The following THOC5 variants were observed in gnomAD, a reference collection of about 807,000 sequenced individuals.
THOC5 encodes the protein THO complex subunit 5.
In THOC5, 43 loss-of-function variants were observed where a neutral mutation model predicts 92.9. The ratio of observed to expected loss-of-function variants is 0.46; its 90% CI spans 0.36 to 0.60. THOC5 has a LOEUF of 0.60. THOC5 is among the 20% of genes least tolerant of loss of function. The pLI, the probability that THOC5 is intolerant of heterozygous loss-of-function variation, is 0.00. For missense variants in THOC5, 659 were observed against 849.4 expected, an observed-to-expected ratio of 0.78 and a Z score of 2.79; for synonymous variants, 296 against 320.1, an observed-to-expected ratio of 0.92 and a Z score of 0.80.
chr22:29,541,191 AAAAAG>A (rs774137710), intron 5 of THOC5, among the ~76,000 whole-genome samples: 244 of 152,104 alleles, frequency 1.6e-3, no homozygotes, highest in Non-Finnish European at 3.0e-3. Flanking sequence ...TCTTTAAAAA[AAAAAG>A]AAAAGAAAAG....
intron 5 of THOC5, among the ~76,000 whole-genome samples, chr22:29,540,724 C>T (rs2063863758): frequency 6.6e-6 from 1 of 152,152 alleles, no homozygotes. Flanking sequence ...AAAAATAATA[C>T]TTAGAATGTA....
chr22:29,534,529 T>C (rs1381752871), intron 7 of THOC5: 1 of 151,164 alleles, frequency 6.6e-6, no homozygotes, highest in East Asian at 2.0e-4. Context: ...TTTATTTGTG[T>C]GCTTTTCTTC....
At chr22:29,548,996 G>A (rs2064085661) in intron 2 of THOC5, 56 bp downstream of exon 2, 29 of 1,568,752 alleles carry the variant, frequency 1.8e-5, no homozygotes, top group Non-Finnish European at 2.5e-5. Flanking sequence ...ACACAGCCAG[G>A]TGCTTGGCCA....
intron 8 of THOC5, among the ~76,000 whole-genome samples, chr22:29,530,726 C>T (rs1164264021): frequency 6.6e-6 from 1 of 152,170 alleles, no homozygotes; most frequent in Admixed American, 6.5e-5. Flanking sequence ...CCAGGTATGA[C>T]ACCTCATTGA....
intron 17 of THOC5, among the ~76,000 whole-genome samples, chr22:29,515,073 G>C (rs904887346): frequency 1.3e-5 from 2 of 151,696 alleles, no homozygotes; most frequent in African/African-American, 4.8e-5. Context: ...AGAGAGTCTT[G>C]CTCTGTCGCC....
chr22:29,539,729 T>C (rs1210712103), intron 5 of THOC5, among the ~76,000 whole-genome samples: 2 of 152,174 alleles, frequency 1.3e-5, no homozygotes, highest in African/African-American at 4.8e-5. Flanking sequence ...GGGATTCTTA[T>C]CAAATTTACA....
chr22:29,531,101 T>G, intron 8 of THOC5: 1 of 1,187,954 alleles, frequency 8.4e-7, no homozygotes, highest in African/African-American at 1.6e-5. Flanking sequence ...CTGGGAGGAT[T>G]TCATATGAGC....
At position 29,517,355 on chromosome 22, in the gene THOC5, C is replaced by T. The variant is rs765514565; in HGVS notation, c.1501G>A (p.Val501Met). Residue 501 changes from valine to methionine, a missense_variant, in exon 16 of 20, where the codon GTG becomes ATG. Coordinates refer to ENST00000490103, the MANE Select transcript of THOC5 (RefSeq NM_003678.5). ...TACTGGCAATCACTGGTAACTGGCA[C>T]AATGCCATGTTCTAAAAGAGAACAA... ...KQFASLEHGI[V>M]PVTSDCQYLF... The T allele has an allele frequency of 9.9e-6, 16 of 1,613,902 alleles. No individual in the cohort carries two copies. The highest frequency in any genetic ancestry group is 1.3e-5 in the African/African-American group (1 of 74,928).
At chr22:29,536,776 C>T (rs1248936892) in intron 6 of THOC5, 38 bp from the exon 7 acceptor site, 2 of 1,102,800 alleles carry the variant, frequency 1.8e-6, no homozygotes, top group African/African-American at 1.5e-5. Flanking sequence ...CCTGATATCC[C>T]CCAGTGATAC....
intron 12 of THOC5, among the ~76,000 whole-genome samples, chr22:29,521,868 G>C (rs2063448039): frequency 6.6e-6 from 1 of 152,102 alleles, no homozygotes; most frequent in Non-Finnish European, 1.5e-5. Context: ...TCTTTCCATG[G>C]ATAACGTCAG....
chr22:29,533,185 C>T lies in THOC5; in HGVS notation c.715-1222G>A, dbSNP rs567018555. On this transcript the variant is annotated intron_variant, in intron 7 of 19. Coordinates refer to ENST00000490103, the MANE Select transcript of THOC5 (RefSeq NM_003678.5). Reference sequence around the variant, plus strand: ...ATCCCAGCAGGTGAAAACAGACAACCTGATTCTGAAACTTGTATGTAAATG... The same window carrying T: ...ATCCCAGCAGGTGAAAACAGACAACTTGATTCTGAAACTTGTATGTAAATG... Among the ~76,000 whole-genome samples the T allele has an allele frequency of 5.3e-5, 8 of 152,268 alleles. No homozygotes were observed. In the South Asian group the frequency reaches 1.2e-3, roughly 24 times the overall value.
At chr22:29,521,142 T>C in intron 12 of THOC5, 43 bp from the exon 13 acceptor site, 2 of 1,445,226 alleles carry the variant, frequency 1.4e-6, no homozygotes, top group Non-Finnish European at 9.7e-7. Context: ...GCAGCCAACA[T>C]CTTTCTTCAA....
In THOC5 at chr22:29,548,998, G is replaced by A. The variant is rs1433543106; in HGVS notation, c.96+54C>T. On this transcript the variant is annotated intron_variant, in intron 2 of 19. Coordinates refer to ENST00000490103, the MANE Select transcript of THOC5 (RefSeq NM_003678.5). ...AGCTGCTGCAAACACACAGCCAGGTGCTTGGCCATGAGATGTAATTTCTCA... is the reference window on the plus strand; with the variant it reads ...AGCTGCTGCAAACACACAGCCAGGTACTTGGCCATGAGATGTAATTTCTCA... The A allele has an allele frequency of 1.5e-5, 23 of 1,570,756 alleles. No individual in the cohort carries two copies. In the Middle Eastern group the frequency reaches 1.2e-3, roughly 85 times the overall value.
At chr22:29,520,167 A>G in intron 13 of THOC5, 63 bp from the exon 14 acceptor site, 1 of 1,436,782 alleles carries the variant, frequency 7.0e-7, no homozygotes, top group Non-Finnish European at 9.6e-7. Context: ...CCCAGGATAC[A>G]GCCTCCTCCC....
chr22:29,552,764 G>A (rs896391046), intron 1 of THOC5, among the ~76,000 whole-genome samples: 1 of 152,220 alleles, frequency 6.6e-6, no homozygotes, highest in Non-Finnish European at 1.5e-5. Context: ...TTGAGAACGG[G>A]CCATGATGAC....
At chr22:29,518,050 T>G (rs981371180) in intron 15 of THOC5, among the ~76,000 whole-genome samples, 5 of 152,184 alleles carry the variant, frequency 3.3e-5, no homozygotes, top group Non-Finnish European at 7.3e-5. Context: ...ACTTTTTATT[T>G]TGAGATGGAG....
chr22:29,527,507 G>A (rs1054195106), intron 11 of THOC5, among the ~76,000 whole-genome samples: 2 of 152,190 alleles, frequency 1.3e-5, no homozygotes, highest in African/African-American at 4.8e-5. Flanking sequence ...AAAGTGGGAA[G>A]CAGATAAATA....
At chr22:29,544,121 A>G (rs1466202491) in intron 3 of THOC5, among the ~76,000 whole-genome samples, 1 of 152,218 alleles carries the variant, frequency 6.6e-6, no homozygotes, top group African/African-American at 2.4e-5. Context: ...GGTATCTACA[A>G]TTTACTTGTA....
At chr22:29,546,575 G>T (rs1056629137) in intron 2 of THOC5, among the ~76,000 whole-genome samples, 1 of 150,700 alleles carries the variant, frequency 6.6e-6, no homozygotes. Flanking sequence ...GGGTAGCTGG[G>T]ATTACAGGCA....
Sources: allele counts gnomAD v4.1 joint callset (sites outside exome capture counted in the v4.1 genomes callset), GRCh38; gene constraint gnomAD v4.1.1; transcripts MANE v1.5; gene names NCBI Gene and HGNC (gene_info 2026-07-23, HGNC 2026-07-21).